The following CTNNA3 variants were observed in gnomAD, a reference collection of about 807,000 sequenced individuals.
The protein encoded by CTNNA3 is catenin alpha 3, also known as catenin alpha-3.
A neutral mutation model predicts 95.7 loss-of-function variants in CTNNA3; 76 were observed. The ratio of observed to expected loss-of-function variants is 0.79; its 90% CI spans 0.66 to 0.96. The LOEUF (loss-of-function observed/expected upper bound fraction) is 0.96, where lower values mean the gene tolerates loss of function less well. CTNNA3 is among the 40% of genes least tolerant of loss of function. The pLI is 0.00. For synonymous variants in CTNNA3, 431 were observed against 374.4 expected (o/e 1.15, Z -1.74); for missense variants, 1,191 against 1,089.8 (o/e 1.09, Z -1.31).
intron 7 of CTNNA3, among the ~76,000 whole-genome samples, chr10:66,987,143 C>T (rs1024594187): frequency 6.6e-6 from 1 of 152,090 alleles, no homozygotes; most frequent in Non-Finnish European, 1.5e-5. Context: ...GAGCCACGTG[C>T]GTAGGTTTTG....
chr10:66,126,426 CTTAG>C (rs774154564), intron 13 of CTNNA3, among the ~76,000 whole-genome samples: 2 of 152,038 alleles, frequency 1.3e-5, no homozygotes, highest in Non-Finnish European at 2.9e-5. Context: ...GTGGATTTAC[CTTAG>C]TTAGTATGCA....
At chr10:66,840,627 C>A (rs1050640923) in intron 7 of CTNNA3, among the ~76,000 whole-genome samples, 2 of 152,030 alleles carry the variant, frequency 1.3e-5, no homozygotes, top group African/African-American at 4.8e-5. Flanking sequence ...AATAACAGTA[C>A]CCTATTTTCA....
chr10:67,169,967 G>T (rs1269462819), intron 7 of CTNNA3, among the ~76,000 whole-genome samples: 1 of 152,130 alleles, frequency 6.6e-6, no homozygotes, highest in Admixed American at 6.5e-5. Flanking sequence ...TAAAGGATAT[G>T]AACACACTTT....
chr10:67,265,139 T>C (rs183080040), intron 5 of CTNNA3, among the ~76,000 whole-genome samples: 25 of 152,316 alleles, frequency 1.6e-4, no homozygotes, highest in African/African-American at 5.1e-4. Context: ...AGTCCTTGTC[T>C]GTCCTATTTC....
chr10:65,968,066 T>C (rs1288138562), intron 16 of CTNNA3, among the ~76,000 whole-genome samples: 2 of 152,154 alleles, frequency 1.3e-5, no homozygotes, highest in East Asian at 1.9e-4. Flanking sequence ...AATATTGCAA[T>C]CAAATTCTAT....
At chr10:66,436,501 C>CTTTTTTTT (rs34165061) in intron 11 of CTNNA3, among the ~76,000 whole-genome samples, 23 of 60,398 alleles carry the variant, frequency 3.8e-4, no homozygotes, top group African/African-American at 4.3e-4. Flanking sequence ...ACAATCCCTG[C>CTTTTTTTT]TTTTTTTTTT....
chr10:66,440,286 T>C (rs777522974), intron 11 of CTNNA3, among the ~76,000 whole-genome samples: 5 of 152,316 alleles, frequency 3.3e-5, no homozygotes, highest in Middle Eastern at 3.4e-3. Flanking sequence ...ATATGTTTAT[T>C]TATATAAATC....
chr10:66,567,645 G>A (rs1452140953), intron 10 of CTNNA3, among the ~76,000 whole-genome samples: 1 of 144,996 alleles, frequency 6.9e-6, no homozygotes, highest in African/African-American at 2.4e-5. Flanking sequence ...AAAAATAAAC[G>A]AGAGAGAGAG....
rs2077023403 is a variant in CTNNA3, at chr10:65,917,629, G to A, written c.*2701C>T. 1 of 152,092 alleles carries A rather than the reference G, an allele frequency of 6.6e-6. No individual in the cohort carries two copies. Among genetic ancestry groups the A allele is most frequent in the African/African-American group, 2.4e-5 (1 of 41,430 alleles). 9.4% of individuals were successfully genotyped at this position (152,092 alleles called of 1,614,324 possible). The stretch of plus-strand genomic sequence containing the variant: ...CAAATTGATTTCGTTAAAAAGAAAG[G>A]TGAGTTCTTATTAGCAGGATCAAGC... On this transcript the variant is annotated 3_prime_UTR_variant, in exon 18 of 18. Transcript: ENST00000433211.
intron 1 of CTNNA3, chr10:67,750,157 T>G: frequency 1.1e-6 from 1 of 935,722 alleles, no homozygotes; most frequent in East Asian, 2.6e-5. Flanking sequence ...CTGTAACAGT[T>G]ACCACGAAGG....
chr10:67,030,078 TAGA>T lies in CTNNA3; in HGVS notation c.1047+150236_1047+150238del, dbSNP rs967000996. On this transcript the variant is annotated intron_variant, in intron 7 of 17. Transcript: ENST00000433211. Reference sequence around the variant, plus strand: ...AAAAAACAATCTTGTAATAATCATATAGAAGGTGTATTTTAATCATCAAAATAA... The same window carrying T: ...AAAAAACAATCTTGTAATAATCATATAGGTGTATTTTAATCATCAAAATAA... Among the ~76,000 whole-genome samples, 51 of 152,362 alleles carry T rather than the reference TAGA, an allele frequency of 3.3e-4. 1 individual carries two copies. Among genetic ancestry groups the T allele is most frequent in the African/African-American group, 1.2e-3 (49 of 41,582 alleles).
rs191534939 is a variant in CTNNA3, at chr10:66,799,054, A to T, written c.1048-23530T>A. Among the ~76,000 whole-genome samples the T allele has an allele frequency of 1.1e-4, 17 of 151,778 alleles. No homozygotes were observed. In the Middle Eastern group the frequency reaches 0.01, roughly 91 times the overall value. ...AAAAGAAAAAACCACATGGCTTAAA[A>T]ATTACAAATGGGACCTAACCCAAGC... On this transcript the variant is annotated intron_variant, in intron 7 of 17. Coordinates refer to ENST00000433211, the MANE Select transcript of CTNNA3 (RefSeq NM_013266.4).
chr10:66,838,811 C>T (rs1186744373), intron 7 of CTNNA3, among the ~76,000 whole-genome samples: 2 of 152,160 alleles, frequency 1.3e-5, no homozygotes, highest in Non-Finnish European at 2.9e-5. Flanking sequence ...GAGCAAAATG[C>T]AAGTCTGTAT....
intron 5 of CTNNA3, among the ~76,000 whole-genome samples, chr10:67,419,626 C>G (rs980075357): frequency 6.6e-6 from 1 of 152,146 alleles, no homozygotes; most frequent in African/African-American, 2.4e-5. Flanking sequence ...TCTCATATCT[C>G]TGAAGGATGT....
At chr10:67,269,270 A>G (rs920567664) in intron 5 of CTNNA3, among the ~76,000 whole-genome samples, 3 of 152,176 alleles carry the variant, frequency 2.0e-5, no homozygotes, top group African/African-American at 7.2e-5. Flanking sequence ...ATTGTTTAAA[A>G]AATTAGTCCA....
At chr10:66,858,150 C>T (rs535181719) in intron 7 of CTNNA3, among the ~76,000 whole-genome samples, 2 of 151,966 alleles carry the variant, frequency 1.3e-5, no homozygotes, top group African/African-American at 2.4e-5. Context: ...TCTGCATCTA[C>T]TGAGATGATT....
intron 1 of CTNNA3, among the ~76,000 whole-genome samples, chr10:67,682,241 G>A (rs991536674): frequency 6.6e-6 from 1 of 151,592 alleles, no homozygotes; most frequent in Non-Finnish European, 1.5e-5. Context: ...GCAGGAGAAT[G>A]GTGTGAACAC....
chr10:67,288,681 C>T (rs945417522), intron 5 of CTNNA3, among the ~76,000 whole-genome samples: 3 of 152,218 alleles, frequency 2.0e-5, no homozygotes, highest in Non-Finnish European at 4.4e-5. Flanking sequence ...AGCACTAACA[C>T]TGAGTCACAT....
chr10:66,439,884 C>A (rs896864534), intron 11 of CTNNA3, among the ~76,000 whole-genome samples: 1 of 152,096 alleles, frequency 6.6e-6, no homozygotes, highest in African/African-American at 2.4e-5. Context: ...GTCAATACCT[C>A]AAAGAAAATC....
Sources: gnomAD v4.1 joint callset for allele counts (sites outside exome capture counted in the v4.1 genomes callset) on GRCh38, gnomAD v4.1.1 for gene constraint, MANE v1.5 for transcripts, NCBI Gene and HGNC (gene_info 2026-07-23, HGNC 2026-07-21) for gene names.